The following MAP2 variants were observed in gnomAD, a reference collection of about 807,000 sequenced individuals.
The protein encoded by MAP2 is microtubule associated protein 2, also known as microtubule-associated protein 2.
Under a neutral mutation model 137.6 loss-of-function variants are expected in MAP2, and 14 were observed. That is an observed-to-expected ratio of 0.10 (90% CI 0.07 to 0.16). The LOEUF is 0.16. Ranked by LOEUF, MAP2 falls within the 10% of genes least tolerant of loss-of-function variation. The pLI is 1.00. For missense variants in MAP2, 2,088 were observed against 2,191.5 expected (o/e 0.95, Z 0.94); for synonymous variants, 786 against 782.3 (o/e 1.00, Z -0.08).
At chr2:209,676,773 C>G in intron 5 of MAP2, among the ~76,000 whole-genome samples, 1 of 104,258 alleles carries the variant, frequency 9.6e-6, no homozygotes, top group African/African-American at 4.0e-5. Context: ...ATATATATAT[C>G]TCCCAATTTC....
chr2:209,606,211 C>CT (rs1434572786), intron 3 of MAP2, among the ~76,000 whole-genome samples: 1 of 151,846 alleles, frequency 6.6e-6, no homozygotes, highest in South Asian at 2.1e-4. Flanking sequence ...ATTGTTCAGT[C>CT]TTTTTTTATT....
At chr2:209,437,160 T>G (rs1406455252) in intron 1 of MAP2, among the ~76,000 whole-genome samples, 2 of 151,692 alleles carry the variant, frequency 1.3e-5, no homozygotes, top group Non-Finnish European at 3.0e-5. Flanking sequence ...AGGACATTTG[T>G]TAAATCTGTT....
intron 5 of MAP2, among the ~76,000 whole-genome samples, chr2:209,668,184 G>A (rs1378710024): frequency 1.3e-5 from 2 of 152,022 alleles, no homozygotes; most frequent in Admixed American, 1.3e-4. Flanking sequence ...CAAGTAAAGA[G>A]TGAGTTCTTT....
At chr2:209,460,003 CTA>C (rs1312736912) in intron 1 of MAP2, among the ~76,000 whole-genome samples, 1 of 152,216 alleles carries the variant, frequency 6.6e-6, no homozygotes, top group African/African-American at 2.4e-5. Context: ...AACTGATATT[CTA>C]TGAGTCCAAC....
chr2:209,509,630 CA>C (rs772398552), intron 2 of MAP2, among the ~76,000 whole-genome samples: 37 of 151,730 alleles, frequency 2.4e-4, no homozygotes, highest in Admixed American at 3.3e-4. Flanking sequence ...GCCAAGTTAT[CA>C]AAACAGAATA....
rs1256110342 is a variant in MAP2, at chr2:209,656,519, AT to A, written c.262+3088del. 7.2e-5 allele frequency among the ~76,000 whole-genome samples: 11 copies of A among 152,134 alleles called. No homozygotes were observed. The South Asian group carries it at 1.7e-3, about 23-fold the overall frequency. On this transcript the variant is annotated intron_variant, in intron 5 of 15. Coordinates refer to ENST00000682079, the MANE Select transcript of MAP2 (RefSeq NM_001375505.1). The stretch of plus-strand genomic sequence containing the variant: ...AGCAAGACCCTGTCTCAAAAAAAAA[AT>A]AATAATAATAATCTAGATTTTGTCC...
chr2:209,675,745 C>T (rs1356970197), intron 5 of MAP2, among the ~76,000 whole-genome samples: 1 of 151,670 alleles, frequency 6.6e-6, no homozygotes. Flanking sequence ...ATAATTTGCT[C>T]ATATAACCAA....
chr2:209,538,728 T>C (rs565060506), intron 2 of MAP2, among the ~76,000 whole-genome samples: 89 of 152,054 alleles, frequency 5.9e-4, no homozygotes, highest in Non-Finnish European at 1.1e-3. Flanking sequence ...CATCGTGAAA[T>C]CGAGATGCTG....
chr2:209,719,526 T>C (rs1384713167), intron 13 of MAP2, among the ~76,000 whole-genome samples: 1 of 152,240 alleles, frequency 6.6e-6, no homozygotes, highest in East Asian at 1.9e-4. Context: ...GATGTTTTTT[T>C]CTTGTCTGCA....
At chr2:209,712,126 T>C (rs1355039808) in intron 13 of MAP2, among the ~76,000 whole-genome samples, 1 of 152,178 alleles carries the variant, frequency 6.6e-6, no homozygotes, top group Non-Finnish European at 1.5e-5. Flanking sequence ...GCCCCAGCTT[T>C]GCAGGAACCT....
intron 3 of MAP2, among the ~76,000 whole-genome samples, chr2:209,595,275 A>G (rs1170062904): frequency 5.9e-5 from 9 of 152,220 alleles, no homozygotes; most frequent in Admixed American, 5.9e-4. Context: ...ATGAATATTT[A>G]TGTTAAAATG....
At chr2:209,496,227 A>G (rs2059739292) in intron 1 of MAP2, among the ~76,000 whole-genome samples, 1 of 152,136 alleles carries the variant, frequency 6.6e-6, no homozygotes, top group Non-Finnish European at 1.5e-5. Flanking sequence ...ATACCACACT[A>G]AGTGCTTGGA....
chr2:209,599,007 C>G (rs1379588777), intron 3 of MAP2, among the ~76,000 whole-genome samples: 2 of 152,038 alleles, frequency 1.3e-5, no homozygotes. Flanking sequence ...GTTCTAGATC[C>G]CTGAGGAATC....
intron 11 of MAP2, among the ~76,000 whole-genome samples, chr2:209,702,060 A>G (rs886073686): frequency 1.3e-5 from 2 of 152,104 alleles, no homozygotes; most frequent in African/African-American, 4.8e-5. Flanking sequence ...AATAAATGGT[A>G]ATAGTTGTTA....
chr2:209,509,699 T>A (rs1272000561), intron 2 of MAP2, among the ~76,000 whole-genome samples: 1 of 151,826 alleles, frequency 6.6e-6, no homozygotes, highest in Non-Finnish European at 1.5e-5. Context: ...TGGTTTAAAA[T>A]AAAAGAGTTT....
At chr2:209,597,808 C>T (rs1169563730) in intron 3 of MAP2, among the ~76,000 whole-genome samples, 4 of 152,058 alleles carry the variant, frequency 2.6e-5, no homozygotes, top group African/African-American at 9.6e-5. Flanking sequence ...CCACTCCCAC[C>T]CTCCTCCCCT....
intron 2 of MAP2, among the ~76,000 whole-genome samples, chr2:209,521,510 CTG>C (rs2063282133): frequency 6.6e-6 from 1 of 150,594 alleles, no homozygotes; most frequent in Non-Finnish European, 1.5e-5. Flanking sequence ...TCCTTTTTAT[CTG>C]TGTTTATGCT....
At chr2:209,570,289 T>C (rs936085106) in intron 2 of MAP2, among the ~76,000 whole-genome samples, 2 of 151,878 alleles carry the variant, frequency 1.3e-5, no homozygotes, top group South Asian at 4.1e-4. Flanking sequence ...TATCTCTTCC[T>C]CTTCTGATAC....
At chr2:209,584,470 A>G (rs1479506204) in intron 3 of MAP2, among the ~76,000 whole-genome samples, 1 of 152,162 alleles carries the variant, frequency 6.6e-6, no homozygotes, top group East Asian at 1.9e-4. Context: ...TTTGAATTAT[A>G]AAATTAGAAA....
Sources: allele counts gnomAD v4.1 joint callset (sites outside exome capture counted in the v4.1 genomes callset), GRCh38; gene constraint gnomAD v4.1.1; transcripts MANE v1.5; gene names NCBI Gene and HGNC (gene_info 2026-07-23, HGNC 2026-07-21).